The following SH2D6 variants were observed in gnomAD, a reference collection of about 807,000 sequenced individuals.
SH2D6 encodes the protein SH2 domain containing 6.
SH2D6 carries 31 observed loss-of-function variants against 30.2 expected under a neutral mutation model. That is an observed-to-expected ratio of 1.03 (90% CI 0.77 to 1.38). The LOEUF (loss-of-function observed/expected upper bound fraction) is 1.38. Ranked by LOEUF, SH2D6 falls within the 40% of genes most tolerant of loss-of-function variation. The pLI, the probability that SH2D6 is intolerant of heterozygous loss-of-function variation, is 0.00. For missense variants in SH2D6, 240 were observed against 266.8 expected (o/e 0.90, Z 0.70); for synonymous variants, 93 against 104.6 (o/e 0.89, Z 0.68).
chr2:85,435,164 G>A (rs554464564), intron 20 of SH2D6, 41 bp downstream of exon 20: 10 of 1,590,092 alleles, frequency 6.3e-6, no homozygotes, highest in Non-Finnish European at 7.7e-6. Context: ...AGAGGTTCCG[G>A]GAGCAGAGCC....
In SH2D6 at chr2:85,432,715, T is replaced by C. The variant is rs140153768; in HGVS notation, c.371-384T>C. ...GCGCCCGGCCGAATTTTTGTATTTTTAGTAGAGACAAGATTTCACCATGTT... is the reference window on the plus strand; with the variant it reads ...GCGCCCGGCCGAATTTTTGTATTTTCAGTAGAGACAAGATTTCACCATGTT... On this transcript the variant is annotated intron_variant, in intron 14 of 23. Coordinates refer to ENST00000469800, the MANE Select transcript of SH2D6 (RefSeq NM_001394463.1). 4.9e-4 allele frequency among the ~76,000 whole-genome samples: 75 copies of C among 152,318 alleles called. 1 individual carries two copies. The Middle Eastern group carries it at 0.01, about 21-fold the overall frequency.
chr2:85,435,519 T>A (rs757688675), intron 21 of SH2D6, 23 bp downstream of exon 21: 25 of 1,610,620 alleles, frequency 1.6e-5, no homozygotes, highest in Non-Finnish European at 2.0e-5. Context: ...GGACCCCGGG[T>A]CTTCTCCAAA....
At chr2:85,436,691 C>T (rs1689500567) in intron 23 of SH2D6, 97 bp downstream of exon 23, 9 of 905,678 alleles carry the variant, frequency 9.9e-6, no homozygotes, top group Non-Finnish European at 1.6e-5. Context: ...CTAGCCTTTC[C>T]CAGTGCCCAC....
intron 5 of SH2D6, among the ~76,000 whole-genome samples, chr2:85,423,715 G>A (rs545522133): frequency 6.6e-6 from 1 of 152,276 alleles, no homozygotes; most frequent in South Asian, 2.1e-4. Flanking sequence ...CAGCTGTCCC[G>A]AGTCAGCTGA....
rs1688439898 is a variant in SH2D6, at chr2:85,430,121, T to G, written c.64+106T>G. 6.6e-6 allele frequency: 1 copy of G among 152,608 alleles called. No individual in the cohort carries two copies. 9.5% of individuals were successfully genotyped at this position (152,608 alleles called of 1,614,324 possible). On this transcript the variant is annotated intron_variant, in intron 10 of 23. Transcript: ENST00000469800. This position sits in a 1 kb window ranked among gnomAD's most constrained non-coding sequence, Gnocchi z 4.3. The stretch of plus-strand genomic sequence containing the variant: ...CCTCCTGCCTCCCAGAGCCCAGCAC[T>G]GCTGAGTCACAGGGGCCTAGCTCTC...
In SH2D6 at chr2:85,434,602, G is replaced by A. The variant is rs1689172063; in HGVS notation, c.589+105G>A. 4.6e-6 allele frequency: 6 copies of A among 1,291,764 alleles called. No individual in the cohort carries two copies. The South Asian group carries it at 8.2e-5, about 18-fold the overall frequency. The allele number at this position is 1,291,764 out of a possible 1,614,324, so 80.0% of individuals were successfully genotyped here. ...TACCCTTTCCCCACTTCTCACTACT[G>A]CACTTGACTAGACTTAAAAAAAAAA... On this transcript the variant is annotated intron_variant, in intron 19 of 23. Coordinates refer to ENST00000469800, the MANE Select transcript of SH2D6 (RefSeq NM_001394463.1).
At chr2:85,432,491 CTG>C (rs1688836732) in intron 14 of SH2D6, among the ~76,000 whole-genome samples, 1 of 151,852 alleles carries the variant, frequency 6.6e-6, no homozygotes, top group Non-Finnish European at 1.5e-5. Context: ...GCTCCGCCCC[CTG>C]GGGTTCACGC....
chr2:85,434,202 C>T, intron 17 of SH2D6, 91 bp downstream of exon 17: 1 of 1,524,760 alleles, frequency 6.6e-7, no homozygotes, highest in Middle Eastern at 1.7e-4. Flanking sequence ...AGCCCTGACC[C>T]TGGGATGGAA....
Position 85,435,686 on chromosome 2 carries a change from C to T in SH2D6, c.753C>T (p.Arg251=). ...HLQKDGAYTV[R]PSSGPHGSQP... is the part of the protein sequence containing the mutation. ...CACAGGATGGGGCCTATACCGTGCG[C>T]CCCAGCTCAGGGCCTCATGGCTCCC... is the stretch of plus-strand genomic sequence containing the variant. The change falls in exon 22 of 24, where the codon CGC becomes CGT. Residue 251 remains arginine (R), a synonymous_variant. Coordinates refer to ENST00000469800, the MANE Select transcript of SH2D6 (RefSeq NM_001394463.1). The T allele has an allele frequency of 1.2e-6, 2 of 1,611,042 alleles. No homozygotes were observed. The highest frequency in any genetic ancestry group is 2.2e-5 in the East Asian group (1 of 44,874).
rs1688515060 is a variant in SH2D6 at position 85,430,730 on chromosome 2, T to C, written c.250+78T>C. On this transcript the variant is annotated intron_variant, in intron 12 of 23. Transcript: ENST00000469800. This position sits in a 1 kb window ranked among gnomAD's most constrained non-coding sequence, Gnocchi z 4.3. Reference sequence around the variant, plus strand: ...AGGGTCCCCACAAGACAAGAGGACATAGGCCTCGCCTCTCCTCCCCTGCCC... The same window carrying C: ...AGGGTCCCCACAAGACAAGAGGACACAGGCCTCGCCTCTCCTCCCCTGCCC... 2 of 152,100 alleles carry C rather than the reference T, an allele frequency of 1.3e-5. No homozygotes were observed. Among genetic ancestry groups the C allele is most frequent in the Admixed American group, 6.6e-5 (1 of 15,218 alleles). The allele number at this position is 152,100 out of a possible 1,614,324, so 9.4% of individuals were successfully genotyped here.
chr2:85,424,300 C>T (rs973493168), intron 5 of SH2D6, among the ~76,000 whole-genome samples: 2 of 152,198 alleles, frequency 1.3e-5, no homozygotes, highest in African/African-American at 2.4e-5. Flanking sequence ...CTCCTGTTGG[C>T]CTGGCCTCCC....
At chr2:85,435,342 C>A in intron 20 of SH2D6, 71 bp from the exon 21 acceptor site, 1 of 1,525,562 alleles carries the variant, frequency 6.6e-7, no homozygotes, top group Non-Finnish European at 9.0e-7. Context: ...ATAACTGCAC[C>A]CTGGGTCCTC....
Position 85,436,570 on chromosome 2 carries a change from C to T in SH2D6, c.996C>T (p.Pro332=). Residue 332 remains proline (P), a synonymous_variant, in exon 23 of 24, where the codon CCC becomes CCT. Transcript: ENST00000469800. ...GGGAACTCACCTGCCTGCTCTTCCC[C>T]ACCAAGCCTTGAGGCCACAGCGAAG... ...GSRELTCLLF[P]TKP is the part of the protein sequence containing the mutation. 1 of 1,613,828 alleles carries T rather than the reference C, an allele frequency of 6.2e-7. No homozygotes were observed. The highest frequency in any genetic ancestry group is 1.1e-5 in the South Asian group (1 of 91,084).
chr2:85,434,178 G>C, intron 17 of SH2D6, 67 bp downstream of exon 17: 2 of 1,536,928 alleles, frequency 1.3e-6, no homozygotes, highest in Non-Finnish European at 1.8e-6. Flanking sequence ...CAGCACCCCA[G>C]TTCAGGCTTC....
chr2:85,434,736 C>T, intron 19 of SH2D6: 2 of 1,442,258 alleles, frequency 1.4e-6, no homozygotes, highest in Non-Finnish European at 1.8e-6. Flanking sequence ...CCCCAAGTTA[C>T]TGAGGATGTC....
chr2:85,434,911 G>A (rs1388228086), intron 19 of SH2D6, 154 bp from the exon 20 acceptor site: 2 of 1,593,688 alleles, frequency 1.3e-6, no homozygotes, highest in Admixed American at 3.4e-5. Context: ...CACTGGATCT[G>A]GAGAGTGGAG....
intron 20 of SH2D6, 55 bp downstream of exon 20, chr2:85,435,178 G>T (rs1263126887): frequency 6.4e-7 from 1 of 1,562,990 alleles, no homozygotes; most frequent in Non-Finnish European, 8.7e-7. Flanking sequence ...CAGAGCCTGA[G>T]AGTCCTTACC....
At chr2:85,427,229 G>A (rs1382842153) in intron 6 of SH2D6, among the ~76,000 whole-genome samples, 1 of 152,236 alleles carries the variant, frequency 6.6e-6, no homozygotes, top group Non-Finnish European at 1.5e-5. Context: ...AGGCACTCAG[G>A]TGCTGCTGGA....
At chr2:85,423,894 T>C (rs1687852157) in intron 5 of SH2D6, among the ~76,000 whole-genome samples, 1 of 152,204 alleles carries the variant, frequency 6.6e-6, no homozygotes, top group African/African-American at 2.4e-5. Flanking sequence ...ACCACAGAGT[T>C]CCGTTGGCTG....
Sources: allele counts gnomAD v4.1 joint callset (sites outside exome capture counted in the v4.1 genomes callset), GRCh38; gene constraint gnomAD v4.1.1; non-coding constraint Gnocchi (gnomAD v3.1); transcripts MANE v1.5; gene names NCBI Gene and HGNC (gene_info 2026-07-23, HGNC 2026-07-21).